Variants in FABP12 observed in about 807,000 individuals in gnomAD.
FABP12 encodes fatty acid-binding protein 12.
FABP12 carries 19 observed loss-of-function variants against 13.7 expected under a neutral mutation model. That is an observed-to-expected ratio of 1.39 (90% CI 0.97 to 2.04). The LOEUF is 2.04. FABP12 is among the 30% of genes most tolerant of loss of function. FABP12 has a pLI of 0.00. For missense variants in FABP12, 182 were observed against 164.2 expected, an observed-to-expected ratio of 1.11 and a Z score of -0.59; for synonymous variants, 61 against 57.0, an observed-to-expected ratio of 1.07 and a Z score of -0.32.
intron 1 of FABP12, among the ~76,000 whole-genome samples, chr8:81,560,956 A>G (rs547265065): frequency 2.0e-5 from 3 of 152,338 alleles, no homozygotes; most frequent in East Asian, 1.9e-4. Flanking sequence ...AGGAGCCACA[A>G]TGCTGCGGGG....
intron 1 of FABP12, among the ~76,000 whole-genome samples, chr8:81,571,143 C>T (rs1809925432): frequency 6.6e-6 from 1 of 152,214 alleles, no homozygotes; most frequent in East Asian, 1.9e-4. Context: ...CACGCTAGGC[C>T]AGGCTGTGAT....
intron 4 of FABP12, among the ~76,000 whole-genome samples, chr8:81,525,322 C>A (rs1029194367): frequency 3.3e-5 from 5 of 152,104 alleles, no homozygotes; most frequent in African/African-American, 1.2e-4. Context: ...TCAAGACCAG[C>A]CTGGCCAACA....
intron 1 of FABP12, among the ~76,000 whole-genome samples, chr8:81,581,397 A>G (rs2130104630): frequency 6.6e-6 from 1 of 152,308 alleles, no homozygotes; most frequent in Non-Finnish European, 1.5e-5. Context: ...ACTAAGATTG[A>G]ATTTCTTAGC....
chr8:81,555,719 A>G (rs1044799345), intron 1 of FABP12, among the ~76,000 whole-genome samples: 1 of 152,208 alleles, frequency 6.6e-6, no homozygotes, highest in Non-Finnish European at 1.5e-5. Context: ...CTATTCTGTT[A>G]AACTCCAGCT....
At chr8:81,555,810 A>T (rs1393240748) in intron 1 of FABP12, among the ~76,000 whole-genome samples, 1 of 152,240 alleles carries the variant, frequency 6.6e-6, no homozygotes, top group Non-Finnish European at 1.5e-5. Context: ...ATTCAGGAAA[A>T]TAATTTTATA....
At chr8:81,567,086 T>A (rs537418179) in intron 1 of FABP12, among the ~76,000 whole-genome samples, 1 of 152,010 alleles carries the variant, frequency 6.6e-6, no homozygotes, top group Non-Finnish European at 1.5e-5. Context: ...ACCAATAAAT[T>A]AATTTAACCA....
At chr8:81,534,937 C>G (rs1447792491), upstream of FABP12, among the ~76,000 whole-genome samples, 1 of 147,080 alleles carries the variant, frequency 6.8e-6, no homozygotes, top group African/African-American at 2.6e-5. Flanking sequence ...GACTCCAACT[C>G]AAAAAATTAA....
chr8:81,544,163 AG>A (rs1255827787), intron 1 of FABP12, among the ~76,000 whole-genome samples: 1 of 152,184 alleles, frequency 6.6e-6, no homozygotes, highest in Non-Finnish European at 1.5e-5. Flanking sequence ...GCAACTGAAA[AG>A]GGAGGAGTTT....
At chr8:81,534,383 T>C (rs566104592), upstream of FABP12, among the ~76,000 whole-genome samples, 3 of 152,338 alleles carry the variant, frequency 2.0e-5, no homozygotes, top group South Asian at 2.1e-4. Flanking sequence ...AGAATTTTGA[T>C]AGAACAGGCA....
chr8:81,565,031 AG>A (rs1380282305), intron 1 of FABP12, among the ~76,000 whole-genome samples: 6 of 152,090 alleles, frequency 3.9e-5, no homozygotes, highest in African/African-American at 1.2e-4. Context: ...GAGCAGGAAA[AG>A]CTATAATCAT....
At chr8:81,556,953 C>G (rs1319621039) in intron 1 of FABP12, among the ~76,000 whole-genome samples, 2 of 142,592 alleles carry the variant, frequency 1.4e-5, no homozygotes, top group African/African-American at 5.2e-5. Context: ...TGGCTCACTA[C>G]AACCTCCGCC....
chr8:81,531,762 T>C (rs1430950631), intron 1 of FABP12, among the ~76,000 whole-genome samples: 14 of 152,308 alleles, frequency 9.2e-5, no homozygotes, highest in Admixed American at 7.2e-4. Context: ...TGTTTGAAGA[T>C]CATTCTCATT....
chr8:81,529,869 T>C (rs957146757), intron 2 of FABP12, among the ~76,000 whole-genome samples: 5 of 152,232 alleles, frequency 3.3e-5, no homozygotes, highest in African/African-American at 1.2e-4. Flanking sequence ...TGTTGTTTAG[T>C]GAGTATTCTT....
chr8:81,562,897 CAT>C (rs1809748400), intron 1 of FABP12, among the ~76,000 whole-genome samples: 1 of 152,224 alleles, frequency 6.6e-6, no homozygotes, highest in Non-Finnish European at 1.5e-5. Flanking sequence ...AACCTCTCAT[CAT>C]AAGAGTCCTG....
intron 1 of FABP12, among the ~76,000 whole-genome samples, chr8:81,586,133 T>A (rs941022988): frequency 6.6e-6 from 1 of 152,202 alleles, no homozygotes; most frequent in Non-Finnish European, 1.5e-5. Context: ...CTTAGGATAT[T>A]GGCCTCCAGC....
In FABP12 at chr8:81,578,823, G is replaced by GTTTCTTTTTTTTTTT. The variant is rs71268012; in HGVS notation, c.-185+11229_-185+11230insAAAAAAAAAAAGAAA. On this transcript the variant is annotated intron_variant, in intron 1 of 5. Coordinates refer to the FABP12 transcript ENST00000692030. ...TACAGAATCTGACACATTTGTTCAAGTTTTTTTTTTTTTTTTTTTGAGAAG... is the reference window on the plus strand; with the variant it reads ...TACAGAATCTGACACATTTGTTCAAGTTTCTTTTTTTTTTTTTTTTTTTTTTTTTTTTTTGAGAAG... Among the ~76,000 whole-genome samples, 37 of 105,658 alleles carry GTTTCTTTTTTTTTTT rather than the reference G, an allele frequency of 3.5e-4. 7 individuals are homozygous for GTTTCTTTTTTTTTTT. Among genetic ancestry groups the GTTTCTTTTTTTTTTT allele is most frequent in the African/African-American group, 1.2e-3 (30 of 24,604 alleles). 69.3% of individuals were successfully genotyped at this position (105,658 alleles called of 152,430 possible).
intron 1 of FABP12, among the ~76,000 whole-genome samples, chr8:81,568,154 A>G (rs1179810408): frequency 1.3e-5 from 2 of 151,874 alleles, no homozygotes; most frequent in Non-Finnish European, 2.9e-5. Flanking sequence ...AAGTTTCCAC[A>G]CAGCAAAGAA....
chr8:81,563,242 C>T (rs1235688456), intron 1 of FABP12, among the ~76,000 whole-genome samples: 1 of 152,216 alleles, frequency 6.6e-6, no homozygotes, highest in African/African-American at 2.4e-5. Context: ...TAAACAGATA[C>T]AGCTACAGTG....
chr8:81,530,945 A>G (rs1809057141), intron 2 of FABP12, among the ~76,000 whole-genome samples: 1 of 152,226 alleles, frequency 6.6e-6, no homozygotes, highest in African/African-American at 2.4e-5. Context: ...AGCTTAGAGC[A>G]AACATTTACA....
Sources: allele counts gnomAD v4.1 joint callset (sites outside exome capture counted in the v4.1 genomes callset), GRCh38; gene constraint gnomAD v4.1.1; transcripts MANE v1.5; gene names NCBI Gene and HGNC (gene_info 2026-07-23, HGNC 2026-07-21).